SYT14: variants seen among roughly 807,000 people sequenced by gnomAD.
SYT14 encodes synaptotagmin-14.
SYT14 carries 32 observed loss-of-function variants against 74.2 expected under a neutral mutation model. That is an observed-to-expected ratio of 0.43 (90% CI 0.33 to 0.58). The LOEUF (loss-of-function observed/expected upper bound fraction) is 0.58, where lower values mean the gene tolerates loss of function less well. SYT14 is among the 20% of genes least tolerant of loss of function. The pLI is 0.05. For synonymous variants in SYT14, 298 were observed against 337.7 expected, an observed-to-expected ratio of 0.88 and a Z score of 1.29; for missense variants, 791 against 981.8, an observed-to-expected ratio of 0.81 and a Z score of 2.60.
chr1:209,992,680 CAAATAAAT>C (rs72112470), intron 2 of SYT14, among the ~76,000 whole-genome samples: 9 of 151,894 alleles, frequency 5.9e-5, no homozygotes, highest in African/African-American at 1.9e-4. Context: ...TTATAAAAAA[CAAATAAAT>C]AAAAGGCAAA....
In SYT14 at chr1:209,958,747, G is replaced by A. The variant is rs561820961; in HGVS notation, c.-486+5991G>A. On this transcript the variant is annotated intron_variant, in intron 2 of 9. Coordinates refer to ENST00000637265, the Ensembl canonical transcript of SYT14. ...TCCATAGATATTTTGGGTTTTCTCA[G>A]TAGACAGTTATATCATCTTCAAATA... Among the ~76,000 whole-genome samples, 41 of 152,260 alleles carry A rather than the reference G, an allele frequency of 2.7e-4. No homozygotes were observed. The Middle Eastern group carries it at 0.01, about 38-fold the overall frequency.
At chr1:210,073,533 A>C (rs1222783944) in intron 5 of SYT14, among the ~76,000 whole-genome samples, 1 of 152,066 alleles carries the variant, frequency 6.6e-6, no homozygotes, top group Non-Finnish European at 1.5e-5. Flanking sequence ...TCTTCAAAGA[A>C]TTGATATCAC....
chr1:210,135,835 A>G (rs993277612), intron 7 of SYT14, among the ~76,000 whole-genome samples: 21 of 152,306 alleles, frequency 1.4e-4, no homozygotes, highest in African/African-American at 5.1e-4. Flanking sequence ...ATTTGACCCC[A>G]CTACTCAGGC....
intron 5 of SYT14, among the ~76,000 whole-genome samples, chr1:210,040,809 C>A (rs959636279): frequency 6.6e-6 from 1 of 152,086 alleles, no homozygotes; most frequent in African/African-American, 2.4e-5. Flanking sequence ...TATAATAATT[C>A]TAAAGTTTGA....
At chr1:210,120,369 T>G (rs1018315130) in intron 7 of SYT14, among the ~76,000 whole-genome samples, 2 of 144,240 alleles carry the variant, frequency 1.4e-5, no homozygotes, top group Non-Finnish European at 2.9e-5. Flanking sequence ...TTTGCTGTTT[T>G]TTTTTTTTTT....
intron 4 of SYT14, among the ~76,000 whole-genome samples, chr1:210,019,679 C>T (rs1194221523): frequency 6.6e-6 from 1 of 152,092 alleles, no homozygotes; most frequent in South Asian, 2.1e-4. Flanking sequence ...AGTTTCTGTC[C>T]TGTATTTTAA....
intron 7 of SYT14, among the ~76,000 whole-genome samples, chr1:210,107,214 G>A (rs1182263116): frequency 2.6e-5 from 4 of 152,252 alleles, no homozygotes; most frequent in African/African-American, 9.6e-5. Flanking sequence ...GTTCTTTACA[G>A]TTGAATCAGT....
At chr1:210,103,271 C>A in intron 7 of SYT14, among the ~76,000 whole-genome samples, 1 of 151,900 alleles carries the variant, frequency 6.6e-6, no homozygotes, top group East Asian at 1.9e-4. Context: ...AACATTAAGG[C>A]CGGGCGCAGT....
intron 2 of SYT14, among the ~76,000 whole-genome samples, chr1:209,982,934 C>A (rs2079512233): frequency 6.6e-6 from 1 of 152,194 alleles, no homozygotes; most frequent in South Asian, 2.1e-4. Context: ...ATTTGCATTA[C>A]CCTGATAACA....
rs149142425 is a variant in SYT14 at position 210,124,062 on chromosome 1, A to G, written c.2034+23601A>G. ...ACTATGGCCTTCCACCTGTTTTTGT[A>G]AAGAAAGGTATACTGGAACCCAGCA... On this transcript the variant is annotated intron_variant, in intron 7 of 9. Coordinates refer to ENST00000637265, the Ensembl canonical transcript of SYT14. 5.1e-3 allele frequency among the ~76,000 whole-genome samples: 779 copies of G among 152,252 alleles called. 4 individuals carry two copies. The highest frequency in any genetic ancestry group is 0.017 in the African/African-American group (713 of 41,552).
At chr1:210,084,839 C>G (rs1379375926) in intron 5 of SYT14, among the ~76,000 whole-genome samples, 2 of 152,190 alleles carry the variant, frequency 1.3e-5, no homozygotes, top group African/African-American at 4.8e-5. Context: ...TTATGATAAT[C>G]TGCCATCATT....
chr1:210,017,249 G>A, intron 4 of SYT14: 4 of 526,890 alleles, frequency 7.6e-6, no homozygotes, highest in Non-Finnish European at 8.7e-6. Context: ...CATTTTTAAA[G>A]CCATTCAGTA....
intron 2 of SYT14, among the ~76,000 whole-genome samples, chr1:210,002,130 A>C (rs2079911344): frequency 6.6e-6 from 1 of 152,200 alleles, no homozygotes; most frequent in Non-Finnish European, 1.5e-5. Flanking sequence ...ACTGCCCATA[A>C]GAACTATACA....
intron 2 of SYT14, among the ~76,000 whole-genome samples, chr1:209,959,009 C>G (rs914767916): frequency 3.3e-4 from 50 of 151,692 alleles, no homozygotes; most frequent in African/African-American, 1.2e-3. Context: ...TACAAAGTTC[C>G]TAAAAAAAAA....
intron 7 of SYT14, among the ~76,000 whole-genome samples, chr1:210,132,567 T>TTGTGTG (rs3031264): frequency 0.038 from 5,560 of 145,000 alleles, 247 homozygotes; most frequent in African/African-American, 0.094. Context: ...ATTTTATATA[T>TTGTGTG]TGTGTGTGTG....
intron 8 of SYT14, 108 bp from the exon 8 acceptor site, chr1:210,159,313 C>A: frequency 9.3e-7 from 1 of 1,071,484 alleles, no homozygotes; most frequent in Non-Finnish European, 1.4e-6. Flanking sequence ...TGTTCTTCCA[C>A]TCCAGTGAAC....
chr1:209,943,709 T>G (rs2078775933), intron 1 of SYT14, among the ~76,000 whole-genome samples: 1 of 152,140 alleles, frequency 6.6e-6, no homozygotes, highest in Admixed American at 6.5e-5. Context: ...TTCATGAATT[T>G]TATTTCCATT....
chr1:210,049,475 C>T (rs2080950180), intron 5 of SYT14, among the ~76,000 whole-genome samples: 1 of 149,314 alleles, frequency 6.7e-6, no homozygotes, highest in Non-Finnish European at 1.5e-5. Flanking sequence ...GATACATGTG[C>T]AGGACATGCA....
At chr1:209,973,499 A>G (rs1201964695) in intron 2 of SYT14, among the ~76,000 whole-genome samples, 2 of 152,102 alleles carry the variant, frequency 1.3e-5, no homozygotes, top group East Asian at 1.9e-4. Context: ...GCTGAGAATG[A>G]TGGTTTCCAG....
Sources: gnomAD v4.1 joint callset for allele counts (sites outside exome capture counted in the v4.1 genomes callset) on GRCh38, gnomAD v4.1.1 for gene constraint, MANE v1.5 for transcripts, NCBI Gene and HGNC (gene_info 2026-07-23, HGNC 2026-07-21) for gene names.